The following CDH23 variants were observed in gnomAD, a reference collection of about 807,000 sequenced individuals.
The protein encoded by CDH23 is cadherin-23.
In CDH23, 189 loss-of-function variants were observed where a neutral mutation model predicts 317.1. The observed-to-expected ratio is 0.60, with a 90% CI of 0.53 to 0.67. CDH23 has a LOEUF of 0.67. Among genes scored for constraint, CDH23 ranks in the 30% least tolerant of loss-of-function variants. The pLI is 0.00. For missense variants in CDH23, 4,401 were observed against 4,592.4 expected (o/e 0.96, Z 1.20); for synonymous variants, 1,839 against 1,876.8 (o/e 0.98, Z 0.52).
At chr10:71,732,622 G>C (rs1441376945) in intron 32 of CDH23, 1 of 1,399,240 alleles carries the variant, frequency 7.1e-7, no homozygotes, top group Non-Finnish European at 9.3e-7. Flanking sequence ...AACAGAGTGA[G>C]ACCTTGTCTC....
In CDH23 at chr10:71,707,576, G is replaced by A. The variant is rs41281308; in HGVS notation, c.3106+527G>A. On this transcript the variant is annotated intron_variant, in intron 26 of 69. Transcript: ENST00000224721. ...ATGAGGCCATGTCCTGGCTCACAGG[G>A]GAAAGTGAGCTGCAATGGATTAGTG... 24,569 of 982,628 alleles carry A rather than the reference G, an allele frequency of 0.025. 321 individuals are homozygous for A. Among genetic ancestry groups the A allele is most frequent in the Non-Finnish European group, 0.028 (22,732 of 818,314 alleles). 60.9% of individuals were successfully genotyped at this position (982,628 alleles called of 1,614,324 possible). A position where few individuals can be genotyped will look rare whatever the true frequency, so the allele number is the denominator to read the frequency against.
At chr10:71,715,072 T>A (rs1418167782) in intron 28 of CDH23, 1 of 152,188 alleles carries the variant, frequency 6.6e-6, no homozygotes, top group Non-Finnish European at 1.5e-5. Context: ...GTCCAGACCA[T>A]CCCACCCTCG....
rs773449705 is a variant in CDH23 at position 71,777,752 on chromosome 10, G to A, written c.4918G>A (p.Glu1640Lys). 11 of 1,613,714 alleles carry A rather than the reference G, an allele frequency of 6.8e-6. No individual in the cohort carries two copies. The highest frequency in any genetic ancestry group is 9.3e-6 in the Non-Finnish European group (11 of 1,179,846). The change falls in exon 39 of 70, where the codon GAG becomes AAG. Residue 1640 changes from glutamate (E) to lysine (K), a missense_variant. Transcript: ENST00000224721. ...NAPMFQQPHY[E>K]VLLDEGPDTL... The stretch of plus-strand genomic sequence containing the variant: ...GCCCATGTTCCAGCAGCCCCACTAT[G>A]AGGTGCTGCTGGATGAGGGCCCAGA...
intron 14 of CDH23, among the ~76,000 whole-genome samples, chr10:71,670,691 GT>G (rs1564722355): frequency 6.6e-6 from 1 of 152,176 alleles, no homozygotes; most frequent in East Asian, 1.9e-4. Flanking sequence ...GGACACTAGG[GT>G]ATGGATCTGA....
chr10:71,800,490 A>AGC lies in CDH23; in HGVS notation c.7363-146_7363-145insGC, dbSNP rs1482526192. 3.0e-6 allele frequency: 3 copies of AGC among 1,005,944 alleles called. No individual in the cohort carries two copies. The African/African-American group carries it at 4.8e-5, about 16-fold the overall frequency. The allele number at this position is 1,005,944 out of a possible 1,614,324, so 62.3% of individuals were successfully genotyped here. A position where few individuals can be genotyped will look rare whatever the true frequency, so the allele number is the denominator to read the frequency against. On this transcript the variant is annotated intron_variant, in intron 52 of 69. Transcript: ENST00000224721. ...TAGTGAGAGCAAGAAGAGCCCCTAGAATGGGAGCTTGCTGGGGGCAGAGGT... is the reference window on the plus strand; with the variant it reads ...TAGTGAGAGCAAGAAGAGCCCCTAGAGCATGGGAGCTTGCTGGGGGCAGAGGT...
intron 6 of CDH23, among the ~76,000 whole-genome samples, chr10:71,547,863 C>G (rs1231874023): frequency 6.6e-6 from 1 of 152,166 alleles, no homozygotes; most frequent in African/African-American, 2.4e-5. Context: ...TGTTTGGGAC[C>G]CAGAGAGGCC....
chr10:71,602,355 G>A (rs1422978210), intron 9 of CDH23, among the ~76,000 whole-genome samples: 1 of 152,182 alleles, frequency 6.6e-6, no homozygotes, highest in Non-Finnish European at 1.5e-5. Flanking sequence ...AGCAGCCCCA[G>A]GAGGCAGAGT....
At chr10:71,740,993 G>C in intron 37 of CDH23, 43 bp downstream of exon 37, 2 of 1,611,608 alleles carry the variant, frequency 1.2e-6, no homozygotes, top group Non-Finnish European at 1.7e-6. Flanking sequence ...CATACGGGGG[G>C]ACCGTGGGCA....
intron 38 of CDH23, among the ~76,000 whole-genome samples, chr10:71,768,888 A>T (rs1284477010): frequency 6.6e-6 from 1 of 152,224 alleles, no homozygotes; most frequent in African/African-American, 2.4e-5. Flanking sequence ...GCACAGAGAG[A>T]TTAGTATCTT....
intron 11 of CDH23, among the ~76,000 whole-genome samples, chr10:71,640,342 T>C (rs1187959911): frequency 1.3e-5 from 2 of 152,238 alleles, no homozygotes; most frequent in African/African-American, 2.4e-5. Flanking sequence ...TTACTGCTTA[T>C]ACCTTACAGG....
At chr10:71,656,914 C>CG (rs1474675190) in intron 14 of CDH23, among the ~76,000 whole-genome samples, 1 of 151,870 alleles carries the variant, frequency 6.6e-6, no homozygotes. Context: ...GGAGAATAGG[C>CG]GGGGGGTAGG....
chr10:71,796,190 G>C, intron 48 of CDH23: 2 of 715,688 alleles, frequency 2.8e-6, no homozygotes, highest in Non-Finnish European at 3.4e-6. Context: ...GGGAGAGGAG[G>C]TCTCACTCTG....
intron 38 of CDH23, among the ~76,000 whole-genome samples, chr10:71,766,045 A>G (rs1418707176): frequency 6.6e-6 from 1 of 152,248 alleles, no homozygotes; most frequent in Non-Finnish European, 1.5e-5. Context: ...GGCAGCGCAC[A>G]GCACGCAGAG....
At chr10:71,535,144 T>C (rs890417157) in intron 6 of CDH23, among the ~76,000 whole-genome samples, 2 of 152,358 alleles carry the variant, frequency 1.3e-5, no homozygotes, top group South Asian at 2.1e-4. Flanking sequence ...TGGTGGTTTA[T>C]GGAGCAGGAG....
At chr10:71,596,469 A>G (rs1314579021) in intron 9 of CDH23, among the ~76,000 whole-genome samples, 1 of 152,112 alleles carries the variant, frequency 6.6e-6, no homozygotes, top group Non-Finnish European at 1.5e-5. Context: ...TGCCTCTACT[A>G]TTTCCATCAC....
At chr10:71,709,565 C>T (rs570518602) in intron 27 of CDH23, among the ~76,000 whole-genome samples, 2 of 152,182 alleles carry the variant, frequency 1.3e-5, no homozygotes, top group African/African-American at 4.8e-5. Flanking sequence ...CTTCACGAAT[C>T]GGCATCTGGG....
chr10:71,762,120 C>G (rs1332519060), intron 38 of CDH23: 1 of 1,387,762 alleles, frequency 7.2e-7, no homozygotes, highest in Non-Finnish European at 9.5e-7. Context: ...CTGCTACTTC[C>G]CAGCCACAGG....
At chr10:71,662,771 G>T (rs943724443) in intron 14 of CDH23, among the ~76,000 whole-genome samples, 3 of 152,168 alleles carry the variant, frequency 2.0e-5, no homozygotes, top group Non-Finnish European at 4.4e-5. Context: ...CCTTCCCTGG[G>T]TATCGCCTGT....
intron 14 of CDH23, among the ~76,000 whole-genome samples, chr10:71,669,195 C>T (rs550767264): frequency 6.6e-6 from 1 of 152,272 alleles, no homozygotes; most frequent in Admixed American, 6.5e-5. Context: ...GAGGCCTTCT[C>T]CAGGCCTTGG....
Sources: gnomAD v4.1 joint callset for allele counts (sites outside exome capture counted in the v4.1 genomes callset) on GRCh38, gnomAD v4.1.1 for gene constraint, MANE v1.5 for transcripts, NCBI Gene and HGNC (gene_info 2026-07-23, HGNC 2026-07-21) for gene names.